The following FMN1 variants were observed in gnomAD, a reference collection of about 807,000 sequenced individuals.
FMN1 encodes the protein formin 1, also known as formin-1.
FMN1 carries 110 observed loss-of-function variants against 132.4 expected under a neutral mutation model. That is an observed-to-expected ratio of 0.83 (90% CI 0.71 to 0.97). FMN1 has a LOEUF of 0.97. Ranked by LOEUF, FMN1 falls within the 50% of genes least tolerant of loss-of-function variation. FMN1 has a pLI of 0.00. For synonymous variants in FMN1, 722 were observed against 651.7 expected (o/e 1.11, Z -1.64); for missense variants, 1,792 against 1,705.3 (o/e 1.05, Z -0.90).
chr15:33,185,928 T>TATAAAA (rs1201632178), intron 2 of FMN1, among the ~76,000 whole-genome samples: 1 of 152,200 alleles, frequency 6.6e-6, no homozygotes, highest in African/African-American at 2.4e-5. Context: ...TATTGAATTC[T>TATAAAA]ATAAAAATGC....
intron 6 of FMN1, among the ~76,000 whole-genome samples, chr15:33,036,034 G>A (rs2036177346): frequency 1.3e-5 from 2 of 152,188 alleles, no homozygotes; most frequent in Non-Finnish European, 2.9e-5. Flanking sequence ...TCCTCAGCAA[G>A]AAGGCTCTTA....
chr15:32,816,835 G>A (rs545978369), intron 17 of FMN1, among the ~76,000 whole-genome samples: 73 of 152,150 alleles, frequency 4.8e-4, no homozygotes, highest in Non-Finnish European at 7.9e-4. Flanking sequence ...TATACTCACA[G>A]GCAACATGAA....
At chr15:33,059,580 T>A (rs1407155783) in intron 6 of FMN1, among the ~76,000 whole-genome samples, 1 of 152,182 alleles carries the variant, frequency 6.6e-6, no homozygotes, top group Non-Finnish European at 1.5e-5. Context: ...CAAAAAGATT[T>A]AAAAAAATTT....
At chr15:32,931,047 C>G (rs918258100) in intron 9 of FMN1, among the ~76,000 whole-genome samples, 1 of 152,030 alleles carries the variant, frequency 6.6e-6, no homozygotes, top group Non-Finnish European at 1.5e-5. Context: ...TTCTATTGGC[C>G]TATAATGTCT....
At chr15:33,087,479 G>A (rs1335451914) in intron 5 of FMN1, among the ~76,000 whole-genome samples, 2 of 152,304 alleles carry the variant, frequency 1.3e-5, no homozygotes, top group African/African-American at 2.4e-5. Context: ...CCGGGAGGCA[G>A]AGGTTGCAAT....
At chr15:32,824,195 T>C (rs979071442) in intron 17 of FMN1, among the ~76,000 whole-genome samples, 2 of 152,328 alleles carry the variant, frequency 1.3e-5, no homozygotes, top group East Asian at 3.9e-4. Context: ...TGTTATTTAA[T>C]AACTGTGAGT....
At chr15:32,896,225 A>G (rs539701738) in intron 15 of FMN1, among the ~76,000 whole-genome samples, 1 of 152,092 alleles carries the variant, frequency 6.6e-6, no homozygotes, top group South Asian at 2.1e-4. Context: ...ATCATTCTAC[A>G]CTTTTAATTA....
intron 6 of FMN1, among the ~76,000 whole-genome samples, chr15:33,016,255 G>A (rs1383732564): frequency 6.6e-6 from 1 of 152,190 alleles, no homozygotes; most frequent in Non-Finnish European, 1.5e-5. Flanking sequence ...TCATCCGTGA[G>A]TGAATGCACA....
chr15:33,167,565 A>AG (rs1197472043), intron 3 of FMN1, among the ~76,000 whole-genome samples: 1 of 152,204 alleles, frequency 6.6e-6, no homozygotes, highest in African/African-American at 2.4e-5. Context: ...TGACCAAAGC[A>AG]GGGGTTGGGG....
At position 32,774,273 on chromosome 15, in the gene FMN1, T is replaced by TCCA. The variant is rs1191185481; in HGVS notation, c.*34_*36dup. ...CACAAAGAGTATGCGTGCAAGGTCCTCCACCTCCAGTGCCATCATTTCCAT... is the reference window on the plus strand; with the variant it reads ...CACAAAGAGTATGCGTGCAAGGTCCTCCACCACCTCCAGTGCCATCATTTCCAT... On this transcript the variant is annotated 3_prime_UTR_variant, in exon 21 of 21. Coordinates refer to ENST00000616417, the MANE Select transcript of FMN1 (RefSeq NM_001277313.2). 10 of 1,543,056 alleles carry TCCA rather than the reference T, an allele frequency of 6.5e-6. No individual in the cohort carries two copies. The highest frequency in any genetic ancestry group is 8.9e-6 in the Non-Finnish European group (10 of 1,123,594).
At chr15:33,103,614 G>C (rs1006394841) in intron 4 of FMN1, among the ~76,000 whole-genome samples, 2 of 152,042 alleles carry the variant, frequency 1.3e-5, no homozygotes, top group Non-Finnish European at 2.9e-5. Flanking sequence ...TATTTGAAAT[G>C]TTGTTTCTCA....
intron 7 of FMN1, among the ~76,000 whole-genome samples, chr15:32,996,979 G>A (rs542648995): frequency 2.0e-5 from 3 of 152,290 alleles, no homozygotes; most frequent in South Asian, 2.1e-4. Context: ...TACAAAAATC[G>A]TAACGAAGAA....
chr15:32,794,661 T>C (rs1048096245), intron 19 of FMN1, among the ~76,000 whole-genome samples: 1 of 152,240 alleles, frequency 6.6e-6, no homozygotes, highest in Non-Finnish European at 1.5e-5. Flanking sequence ...GTTATGCATA[T>C]ACTTGGATAA....
chr15:33,097,642 GCAGA>G (rs1037280448), intron 4 of FMN1, among the ~76,000 whole-genome samples: 14 of 152,152 alleles, frequency 9.2e-5, no homozygotes, highest in Non-Finnish European at 2.1e-4. Flanking sequence ...GGGGAGGAGG[GCAGA>G]CAGAGAGATA....
At chr15:33,023,582 A>G (rs1248482286) in intron 6 of FMN1, among the ~76,000 whole-genome samples, 1 of 152,216 alleles carries the variant, frequency 6.6e-6, no homozygotes, top group Non-Finnish European at 1.5e-5. Flanking sequence ...AAAGGTGCAA[A>G]AGCTTAATAA....
At chr15:33,061,794 G>C (rs1566878852) in intron 6 of FMN1, among the ~76,000 whole-genome samples, 1 of 151,954 alleles carries the variant, frequency 6.6e-6, no homozygotes, top group Non-Finnish European at 1.5e-5. Context: ...CAAAAGTCTG[G>C]TATGGAATTA....
In FMN1 at chr15:33,154,815, A is replaced by C; in HGVS notation, c.100T>G (p.Tyr34Asp). 6.5e-7 allele frequency: 1 copy of C among 1,536,156 alleles called. No individual in the cohort carries two copies. The highest frequency in any genetic ancestry group is 8.7e-7 in the Non-Finnish European group (1 of 1,146,912). The change falls in exon 4 of 21, where the codon TAC becomes GAC. Residue 34 changes from tyrosine (Y) to aspartate (D), a missense_variant. Transcript: ENST00000616417. Reference sequence around the variant, plus strand: ...CTGTCTAGAGTTACAGTGCCCTTGTATGAAAATCCTCTGACTTCCCCCTTT... The same window carrying C: ...CTGTCTAGAGTTACAGTGCCCTTGTCTGAAAATCCTCTGACTTCCCCCTTT... ...LPKGEVRGFSYKGTVTLDRSN... is the reference protein window; with the variant it reads ...LPKGEVRGFSDKGTVTLDRSN...
intron 18 of FMN1, among the ~76,000 whole-genome samples, chr15:32,800,586 C>T (rs951093491): frequency 6.6e-6 from 1 of 152,210 alleles, no homozygotes; most frequent in African/African-American, 2.4e-5. Flanking sequence ...ACAGGCCATT[C>T]ATTTCCTACA....
At chr15:33,113,368 T>C (rs555927472) in intron 4 of FMN1, among the ~76,000 whole-genome samples, 5 of 152,050 alleles carry the variant, frequency 3.3e-5, no homozygotes, top group Admixed American at 2.6e-4. Context: ...CTATATAAGC[T>C]TATTTTTTTC....
Sources: allele counts gnomAD v4.1 joint callset (sites outside exome capture counted in the v4.1 genomes callset), GRCh38; gene constraint gnomAD v4.1.1; transcripts MANE v1.5; gene names NCBI Gene and HGNC (gene_info 2026-07-23, HGNC 2026-07-21).